Variants in PCDHGA2 observed in about 807,000 individuals in gnomAD.
PCDHGA2 encodes the protein protocadherin gamma-A2.
A neutral mutation model predicts 59.2 loss-of-function variants in PCDHGA2; 40 were observed. That is an observed-to-expected ratio of 0.68 (90% CI 0.52 to 0.88). The LOEUF (loss-of-function observed/expected upper bound fraction) is 0.88. Among genes scored for constraint, PCDHGA2 ranks in the 40% least tolerant of loss-of-function variants. The pLI, the probability that PCDHGA2 is intolerant of heterozygous loss-of-function variation, is 0.00. For missense variants in PCDHGA2, 1,226 were observed against 1,204.0 expected (o/e 1.02, Z -0.27); for synonymous variants, 560 against 526.0 (o/e 1.06, Z -0.89).
At position 141,493,356 on chromosome 5, in the gene PCDHGA2, C is replaced by A. The variant is rs1303319550; in HGVS notation, c.2425-1451C>A. Among the ~76,000 whole-genome samples, 1 of 152,182 alleles carries A rather than the reference C, an allele frequency of 6.6e-6. No individual in the cohort carries two copies. The highest frequency in any genetic ancestry group is 2.4e-5 in the African/African-American group (1 of 41,438). On this transcript the variant is annotated intron_variant, in intron 1 of 3. Transcript: ENST00000394576. This position sits in a 1 kb window ranked among gnomAD's most constrained non-coding sequence, Gnocchi z 4.3. ...ACTCCAGAATGTGTGCTTTTAATTT[C>A]TTGGCACTTGGAACTTTAAAAGCTT...
At chr5:141,409,639 G>T (rs948112966) in intron 1 of PCDHGA2, 2 of 1,613,760 alleles carry the variant, frequency 1.2e-6, no homozygotes, top group African/African-American at 1.3e-5. Flanking sequence ...CCTCTGACCC[G>T]GATTTGGGGC....
At chr5:141,508,737 C>G (rs919094477) in intron 3 of PCDHGA2, among the ~76,000 whole-genome samples, 2 of 152,010 alleles carry the variant, frequency 1.3e-5, no homozygotes, top group Non-Finnish European at 2.9e-5. Flanking sequence ...CTACACCCCC[C>G]ACCCCGCTCT....
chr5:141,399,419 G>A, intron 1 of PCDHGA2: 1 of 1,614,000 alleles, frequency 6.2e-7, no homozygotes, highest in East Asian at 2.2e-5. Flanking sequence ...CTCTCCTCCA[G>A]CATAAGCGTC....
chr5:141,370,565 C>A, intron 1 of PCDHGA2: 4 of 1,613,782 alleles, frequency 2.5e-6, no homozygotes, highest in African/African-American at 1.3e-5. Context: ...TGGGGTTTGG[C>A]GTGGGGGATT....
chr5:141,473,756 A>G (rs2099328139), intron 1 of PCDHGA2, among the ~76,000 whole-genome samples: 1 of 152,228 alleles, frequency 6.6e-6, no homozygotes, highest in African/African-American at 2.4e-5. Context: ...CTTGGATACT[A>G]TGCAAAGGAT....
rs752999009 is a variant in PCDHGA2, at chr5:141,409,899, C to T, written c.2424+68504C>T. 4 of 1,613,152 alleles carry T rather than the reference C, an allele frequency of 2.5e-6. No individual in the cohort carries two copies. The East Asian group carries it at 8.9e-5, about 36-fold the overall frequency. ...AACGCACCGCGGGTGCTGTACCCAG[C>T]TCTGGGTCCTGACGGCTCCGCGTTC... On this transcript the variant is annotated intron_variant, in intron 1 of 3. Coordinates refer to ENST00000394576, the MANE Select transcript of PCDHGA2 (RefSeq NM_018915.4).
chr5:141,433,056 G>C, intron 1 of PCDHGA2: 10 of 1,614,204 alleles, frequency 6.2e-6, no homozygotes, highest in Non-Finnish European at 8.5e-6. Context: ...TCGCGGAAGA[G>C]TCACCTGATC....
chr5:141,361,717 T>G, intron 1 of PCDHGA2: 1 of 1,613,366 alleles, frequency 6.2e-7, no homozygotes, highest in Admixed American at 1.7e-5. Context: ...GCTGCGCGCC[T>G]TCGAGCTCAC....
At chr5:141,364,980 G>C in intron 1 of PCDHGA2, 1 of 1,613,870 alleles carries the variant, frequency 6.2e-7, no homozygotes, top group Middle Eastern at 1.6e-4. Flanking sequence ...GCTTTAGATG[G>C]CGGAGACCCG....
chr5:141,346,128 G>C (rs563631055), intron 1 of PCDHGA2: 1 of 1,613,952 alleles, frequency 6.2e-7, no homozygotes, highest in South Asian at 1.1e-5. Flanking sequence ...GGCGGTGGCC[G>C]CGGTCTCCTG....
chr5:141,364,757 A>G, intron 1 of PCDHGA2: 4 of 1,613,960 alleles, frequency 2.5e-6, no homozygotes, highest in Non-Finnish European at 3.4e-6. Flanking sequence ...AGTAAAAGTT[A>G]ATGAAAATGC....
chr5:141,426,754 T>C, intron 1 of PCDHGA2: 1 of 456,314 alleles, frequency 2.2e-6, no homozygotes, highest in Non-Finnish European at 4.4e-6. Context: ...GAATCTGCTA[T>C]AGATGCAGAT....
chr5:141,375,100 T>A lies in PCDHGA2; in HGVS notation c.2424+33705T>A, dbSNP rs921904476. 5 of 1,613,834 alleles carry A rather than the reference T, an allele frequency of 3.1e-6. No individual in the cohort carries two copies. The African/African-American group carries it at 6.7e-5, about 22-fold the overall frequency. On this transcript the variant is annotated intron_variant, in intron 1 of 3. Transcript: ENST00000394576. The stretch of plus-strand genomic sequence containing the variant: ...CGAAAGTCTTAATAACTATCTTGGA[T>A]GTCAATGATAATGTACCAGAAGTGG...
At chr5:141,455,607 G>A (rs2098827849) in intron 1 of PCDHGA2, among the ~76,000 whole-genome samples, 1 of 152,248 alleles carries the variant, frequency 6.6e-6, no homozygotes, top group East Asian at 1.9e-4. Context: ...GGGCGCCATG[G>A]ATGTTCTAAA....
chr5:141,450,107 A>G (rs1228532939), intron 1 of PCDHGA2, among the ~76,000 whole-genome samples: 3 of 150,976 alleles, frequency 2.0e-5, no homozygotes, highest in Non-Finnish European at 4.4e-5. Flanking sequence ...CCCAGGTTCA[A>G]ATGATTCTCC....
Position 141,411,472 on chromosome 5 carries a change from T to G in PCDHGA2, c.2424+70077T>G, listed in dbSNP as rs546914871. ...GGTAGCATTCCCCTGTGGTCCCAGC[T>G]ACTTGGGAGGCTGAGCTGGGTGGAT... On this transcript the variant is annotated intron_variant, in intron 1 of 3. Coordinates refer to ENST00000394576, the MANE Select transcript of PCDHGA2 (RefSeq NM_018915.4). 2.6e-5 allele frequency: 4 copies of G among 151,948 alleles called. 1 individual carries two copies. The South Asian group carries it at 8.3e-4, about 32-fold the overall frequency. The allele number at this position is 151,948 out of a possible 1,614,324, so 9.4% of individuals were successfully genotyped here.
chr5:141,481,619 A>T (rs1303171847), intron 1 of PCDHGA2, among the ~76,000 whole-genome samples: 1 of 152,128 alleles, frequency 6.6e-6, no homozygotes, highest in Non-Finnish European at 1.5e-5. Flanking sequence ...GGAGTTCAAG[A>T]CCGGCCTGGC....
chr5:141,393,087 C>T (rs1244090890), intron 1 of PCDHGA2: 1 of 1,613,628 alleles, frequency 6.2e-7, no homozygotes, highest in African/African-American at 1.3e-5. Flanking sequence ...CAGGATAGAT[C>T]GGGAGGAGCT....
At chr5:141,384,974 AC>A (rs1780722542) in intron 1 of PCDHGA2, 1 of 1,613,712 alleles carries the variant, frequency 6.2e-7, no homozygotes, top group Non-Finnish European at 8.5e-7. Context: ...CTCACGTTGT[AC>A]CTGGTGGTGG....
Sources: allele counts gnomAD v4.1 joint callset (sites outside exome capture counted in the v4.1 genomes callset), GRCh38; gene constraint gnomAD v4.1.1; non-coding constraint Gnocchi (gnomAD v3.1); transcripts MANE v1.5; gene names NCBI Gene and HGNC (gene_info 2026-07-23, HGNC 2026-07-21).